Variants in ZKSCAN7 observed in about 807,000 individuals in gnomAD.
ZKSCAN7 encodes the protein zinc finger protein with KRAB and SCAN domains 7.
In ZKSCAN7, 38 loss-of-function variants were observed where a neutral mutation model predicts 65.3. The ratio of observed to expected loss-of-function variants is 0.58; its 90% confidence interval spans 0.45 to 0.76. ZKSCAN7 has a LOEUF of 0.76. Ranked by LOEUF, ZKSCAN7 falls within the 30% of genes least tolerant of loss-of-function variation. The probability of loss-of-function intolerance (pLI) is 0.00; values close to 1 mark genes in which losing one functional copy is unlikely to be tolerated. For synonymous variants in ZKSCAN7, 321 were observed against 321.0 expected, an observed-to-expected ratio of 1.00 and a Z score of 0.00; for missense variants, 815 against 913.3, an observed-to-expected ratio of 0.89 and a Z score of 1.39.
At position 44,565,629 on chromosome 3, in the gene ZKSCAN7, C is replaced by T; in HGVS notation, c.566C>T (p.Thr189Ile). The T allele has an allele frequency of 1.2e-6, 2 of 1,607,138 alleles. No homozygotes were observed. Among genetic ancestry groups the T allele is most frequent in the Non-Finnish European group, 8.5e-7 (1 of 1,177,200 alleles). ...AHLEPPYDPG[T>I]HHLPSGDFAQ... ...CTGGAGCCTCCTTATGACCCAGGGA[C>T]ACACCACCTCCCCAGTGGGGACTTC... The change falls in exon 3 of 6, where the codon ACA (threonine) becomes ATA (isoleucine). Residue 189 changes from threonine (T) to isoleucine (I), a missense_variant. This residue lies in a region of ZKSCAN7 where 227 missense variants were observed against 253.3 expected (regional missense o/e 0.90). Coordinates refer to ENST00000426540, the MANE Select transcript of ZKSCAN7 (RefSeq NM_001288590.2).
intron 2 of ZKSCAN7, 21 bp from the exon 3 acceptor site, chr3:44,565,466 A>G (rs754795028): frequency 3.4e-5 from 54 of 1,583,264 alleles, no homozygotes; most frequent in Admixed American, 2.0e-4. Context: ...TTTGAACCCA[A>G]TTGTATTTCC....
chr3:44,570,970 A>G lies in ZKSCAN7; in HGVS notation c.1860A>G (p.Lys620=), dbSNP rs772162577. The G allele has an allele frequency of 1.2e-6, 2 of 1,614,174 alleles. No homozygotes were observed. The highest frequency in any genetic ancestry group is 2.2e-5 in the East Asian group (1 of 44,872). Residue 620 remains lysine, a synonymous_variant, in exon 6 of 6, where the codon AAA becomes AAG. Coordinates refer to ENST00000426540, the MANE Select transcript of ZKSCAN7 (RefSeq NM_001288590.2). ...SECGKAFGLS[K]CLIRHQRLHT... is the part of the protein sequence containing the mutation. ...GTGGTAAGGCATTTGGTCTGAGTAAATGTCTTATTCGGCACCAGAGACTTC... is the reference window on the plus strand; with the variant it reads ...GTGGTAAGGCATTTGGTCTGAGTAAGTGTCTTATTCGGCACCAGAGACTTC...
At chr3:44,560,885 G>T (rs768682095) in intron 2 of ZKSCAN7, among the ~76,000 whole-genome samples, 2 of 152,168 alleles carry the variant, frequency 1.3e-5, no homozygotes, top group Non-Finnish European at 2.9e-5. Flanking sequence ...CATTTGACAA[G>T]TGAAGTGAGC....
In ZKSCAN7 at chr3:44,571,573, T is replaced by C. The variant is rs1036358426; in HGVS notation, c.*198T>C. On this transcript the variant is annotated 3_prime_UTR_variant, in exon 6 of 6. Transcript: ENST00000426540. Reference sequence around the variant, plus strand: ...TTATTAGGAAGGTAAGGACTACACATGTCATTGAATTGTAGGTTTCCTTTT... The same window carrying C: ...TTATTAGGAAGGTAAGGACTACACACGTCATTGAATTGTAGGTTTCCTTTT... The C allele has an allele frequency of 3.1e-5, 44 of 1,401,284 alleles. No individual in the cohort carries two copies. In the Admixed American group the frequency reaches 1.3e-3, roughly 40 times the overall value. The allele number at this position is 1,401,284 out of a possible 1,614,324, so 86.8% of individuals were successfully genotyped here.
downstream of ZKSCAN7, among the ~76,000 whole-genome samples, chr3:44,575,245 A>G (rs1381350852): frequency 6.6e-6 from 1 of 152,232 alleles, no homozygotes; most frequent in Non-Finnish European, 1.5e-5. Flanking sequence ...CCAGTGAGCT[A>G]TCATTGCACC....
intron 5 of ZKSCAN7, 129 bp from the exon 6 acceptor site, chr3:44,569,793 G>A: frequency 7.3e-7 from 1 of 1,376,298 alleles, no homozygotes; most frequent in Non-Finnish European, 9.4e-7. Context: ...TTTTGCTCTT[G>A]TTCTCAATGT....
chr3:44,569,534 A>G (rs1699731245), intron 5 of ZKSCAN7, among the ~76,000 whole-genome samples: 1 of 152,190 alleles, frequency 6.6e-6, no homozygotes. Flanking sequence ...TTCTGAGAAC[A>G]ATGGAACCAT....
At chr3:44,568,213 C>T (rs1184721701) in intron 4 of ZKSCAN7, 94 bp from the exon 5 acceptor site, 2 of 1,556,940 alleles carry the variant, frequency 1.3e-6, no homozygotes, top group Admixed American at 1.9e-5. Flanking sequence ...TACTTTTGCC[C>T]ATGAAGAGCC....
At chr3:44,573,737 G>A (rs1350282837), downstream of ZKSCAN7, among the ~76,000 whole-genome samples, 1 of 152,148 alleles carries the variant, frequency 6.6e-6, no homozygotes, top group African/African-American at 2.4e-5. Context: ...GTCTTCAATA[G>A]AACGTTCCTG....
At chr3:44,572,243 A>C, downstream of ZKSCAN7, 2 of 984,496 alleles carry the variant, frequency 2.0e-6, no homozygotes, top group Non-Finnish European at 2.4e-6. Flanking sequence ...ATGGAAGTCC[A>C]TCTCATCATA....
chr3:44,564,301 A>G (rs905523679), intron 2 of ZKSCAN7, among the ~76,000 whole-genome samples: 1 of 152,242 alleles, frequency 6.6e-6, no homozygotes, highest in Non-Finnish European at 1.5e-5. Context: ...CTTTTAAAAT[A>G]TAAATTATTG....
At chr3:44,578,059 T>C (rs1699960931) in intron 5 of ZKSCAN7, among the ~76,000 whole-genome samples, 1 of 152,186 alleles carries the variant, frequency 6.6e-6, no homozygotes, top group African/African-American at 2.4e-5. Flanking sequence ...TCAGGGTTGC[T>C]TTTAGATTTC....
chr3:44,579,277 T>A (rs547609503), intron 5 of ZKSCAN7, among the ~76,000 whole-genome samples: 4 of 152,278 alleles, frequency 2.6e-5, no homozygotes, highest in African/African-American at 9.6e-5. Flanking sequence ...CCCGCCTCCG[T>A]GCACGCTCCC....
intron 2 of ZKSCAN7, 178 bp downstream of exon 2, chr3:44,557,648 C>A: frequency 1.3e-6 from 1 of 776,302 alleles, no homozygotes; most frequent in Non-Finnish European, 2.0e-6. Context: ...AAGTGCACAT[C>A]CCAGCTAAGC....
At chr3:44,577,919 C>T (rs961004257) in intron 5 of ZKSCAN7, among the ~76,000 whole-genome samples, 1 of 152,186 alleles carries the variant, frequency 6.6e-6, no homozygotes, top group Non-Finnish European at 1.5e-5. Context: ...TGGGACACAC[C>T]TAGTCTTTCT....
downstream of ZKSCAN7, among the ~76,000 whole-genome samples, chr3:44,576,861 C>T (rs550202808): frequency 6.6e-6 from 1 of 152,304 alleles, no homozygotes; most frequent in South Asian, 2.1e-4. Context: ...CCAGTGGAGC[C>T]TCCTTCCAAG....
chr3:44,576,872 T>C (rs145181689), downstream of ZKSCAN7, among the ~76,000 whole-genome samples: 4 of 152,312 alleles, frequency 2.6e-5, no homozygotes, highest in African/African-American at 9.6e-5. Context: ...TCCTTCCAAG[T>C]TCTCTGCCTC....
At chr3:44,576,050 T>C (rs957879688), downstream of ZKSCAN7, among the ~76,000 whole-genome samples, 7 of 152,190 alleles carry the variant, frequency 4.6e-5, no homozygotes, top group African/African-American at 1.7e-4. Flanking sequence ...CTGATATATA[T>C]ATAATTTTTT....
At chr3:44,576,182 C>A (rs142243557), downstream of ZKSCAN7, among the ~76,000 whole-genome samples, 103 of 152,188 alleles carry the variant, frequency 6.8e-4, no homozygotes, top group African/African-American at 2.3e-3. Flanking sequence ...ATTTACTATT[C>A]TGTCAAACGT....
Sources: allele counts gnomAD v4.1 joint callset (sites outside exome capture counted in the v4.1 genomes callset), GRCh38; gene constraint gnomAD v4.1.1; regional missense constraint gnomAD v4.1.1; transcripts MANE v1.5; gene names NCBI Gene and HGNC (gene_info 2026-07-23, HGNC 2026-07-21).